The following BTN2A1 variants were observed in gnomAD, a reference collection of about 807,000 sequenced individuals.
BTN2A1 encodes butyrophilin subfamily 2 member A1.
Under a neutral mutation model 34.5 loss-of-function variants are expected in BTN2A1, and 41 were observed. That is an observed-to-expected ratio of 1.19 (90% CI 0.93 to 1.54). BTN2A1 has a LOEUF of 1.54. Among genes scored for constraint, BTN2A1 ranks in the 40% most tolerant of loss-of-function variants. The probability of loss-of-function intolerance (pLI) is 0.00; values close to 1 mark genes in which losing one functional copy is unlikely to be tolerated. For missense variants in BTN2A1, 642 were observed against 662.0 expected (o/e 0.97, Z 0.33); for synonymous variants, 267 against 258.6 (o/e 1.03, Z -0.31).
At position 26,459,749 on chromosome 6, in the gene BTN2A1, C is replaced by T; in HGVS notation, c.351C>T (p.Ala117=). The T allele has an allele frequency of 6.2e-7, 1 of 1,614,064 alleles. No individual in the cohort carries two copies. The highest frequency in any genetic ancestry group is 8.5e-7 in the Non-Finnish European group (1 of 1,179,998). ...CCCTGGTCATACACAACATCACAGC[C>T]CAGGAAAACGGCACCTACCGCTGTT... ...SVALVIHNIT[A]QENGTYRCYF... Residue 117 remains alanine (A), a synonymous_variant, in exon 3 of 8, where the codon GCC becomes GCT. Coordinates refer to ENST00000312541, the MANE Select transcript of BTN2A1 (RefSeq NM_007049.5).
downstream of BTN2A1, among the ~76,000 whole-genome samples, chr6:26,470,374 TCA>T (rs1763427113): frequency 6.7e-6 from 1 of 149,612 alleles, no homozygotes; most frequent in Admixed American, 6.6e-5. Context: ...GGAACTTATG[TCA>T]GAGACCCCCC....
chr6:26,465,234 TGTG>T lies in BTN2A1; in HGVS notation c.765_767del (p.Val256del), dbSNP rs1409344236. On this transcript the variant is annotated inframe_deletion, in exon 5 of 8. Transcript: ENST00000312541. ...CCTGTGCAGTGGCCCTGCCTATCATTGTGGTTATTCTGATGATACCCATTGCCG... is the reference window on the plus strand; with the variant it reads ...CCTGTGCAGTGGCCCTGCCTATCATTGTTATTCTGATGATACCCATTGCCG... 32 of 1,614,178 alleles carry T rather than the reference TGTG, an allele frequency of 2.0e-5. No homozygotes were observed. The highest frequency in any genetic ancestry group is 3.3e-5 in the Admixed American group (2 of 60,030).
chr6:26,461,298 T>A (rs934474956), intron 3 of BTN2A1, among the ~76,000 whole-genome samples: 5 of 152,252 alleles, frequency 3.3e-5, no homozygotes, highest in Non-Finnish European at 7.3e-5. Context: ...TTTGTTTGTT[T>A]GTTCATTGTA....
chr6:26,465,376 G>A lies in BTN2A1; in HGVS notation c.904G>A (p.Val302Met), dbSNP rs141482323. 5.6e-6 allele frequency: 9 copies of A among 1,614,020 alleles called. No individual in the cohort carries two copies. Among genetic ancestry groups the A allele is most frequent in the Non-Finnish European group, 7.6e-6 (9 of 1,179,986 alleles). ...IALKELEKER[V>M]QKEEELQVKE... Reference sequence around the variant, plus strand: ...TCTAAAGGAACTGGAGAAAGAACGTGTGCAAAAAGAGGAAGAACTTCAAGT... The same window carrying A: ...TCTAAAGGAACTGGAGAAAGAACGTATGCAAAAAGAGGAAGAACTTCAAGT... Residue 302 changes from valine (V) to methionine (M), a missense_variant, in exon 5 of 8, where the codon GTG becomes ATG. Physicochemically the swap from Val to Met is conservative, Grantham distance 21. Coordinates refer to ENST00000312541, the MANE Select transcript of BTN2A1 (RefSeq NM_007049.5).
chr6:26,460,040 C>T (rs1335233011), intron 3 of BTN2A1, among the ~76,000 whole-genome samples: 1 of 152,116 alleles, frequency 6.6e-6, no homozygotes, highest in Non-Finnish European at 1.5e-5. Context: ...GGCTTCACTT[C>T]TTGAGAAGCA....
Position 26,463,254 on chromosome 6 carries a change from TAAGCCCCTCATTTC to T in BTN2A1, c.444_457del (p.Lys148AsnfsTer5), listed in dbSNP as rs1300300730. ...GATATCTCTCCACAGGACTAGGCTCTAAGCCCCTCATTTCAATGAGGGGCCATGAAGACGGGGGC... is the reference window on the plus strand; with the variant it reads ...GATATCTCTCCACAGGACTAGGCTCTAATGAGGGGCCATGAAGACGGGGGC... On this transcript the variant is annotated frameshift_variant, in exon 4 of 8. Coordinates refer to ENST00000312541, the MANE Select transcript of BTN2A1 (RefSeq NM_007049.5). LOFTEE classifies it high-confidence loss of function. 5 of 1,604,892 alleles carry T rather than the reference TAAGCCCCTCATTTC, an allele frequency of 3.1e-6. No individual in the cohort carries two copies. The Admixed American group carries it at 8.6e-5, about 27-fold the overall frequency.
chr6:26,458,293 C>T (rs1361078270), intron 1 of BTN2A1, among the ~76,000 whole-genome samples, 151 bp downstream of exon 1: 1 of 152,078 alleles, frequency 6.6e-6, no homozygotes, highest in African/African-American at 2.4e-5. Context: ...TCAGGCTGCC[C>T]GGCCTGGGTC....
At chr6:26,469,820 C>A (rs6456725), downstream of BTN2A1, among the ~76,000 whole-genome samples, 19,874 of 152,084 alleles carry the variant, frequency 0.13, 3,470 homozygotes, top group African/African-American at 0.4. Flanking sequence ...TATGAAAATA[C>A]GATTATTAAC....
At chr6:26,463,649 G>C in intron 4 of BTN2A1, 124 bp downstream of exon 4, 1 of 1,166,120 alleles carries the variant, frequency 8.6e-7, no homozygotes, top group South Asian at 1.6e-5. Flanking sequence ...AGGACCTGGA[G>C]GCTGCAGCTG....
chr6:26,474,777 A>C (rs1763510400), intron 7 of BTN2A1, among the ~76,000 whole-genome samples: 1 of 144,924 alleles, frequency 6.9e-6, no homozygotes, highest in South Asian at 2.2e-4. Context: ...TTTTTGTCAG[A>C]GTCTCACTGT....
At chr6:26,463,962 G>A (rs750564966) in intron 4 of BTN2A1, among the ~76,000 whole-genome samples, 11 of 151,968 alleles carry the variant, frequency 7.2e-5, no homozygotes, top group Admixed American at 1.3e-4. Context: ...CACCACACCC[G>A]GCTAATTTTT....
chr6:26,464,480 G>A (rs1047953721), intron 4 of BTN2A1, among the ~76,000 whole-genome samples: 1 of 152,192 alleles, frequency 6.6e-6, no homozygotes, highest in Admixed American at 6.5e-5. Flanking sequence ...TAACAGAATG[G>A]TCAGGGAAGA....
chr6:26,465,261 C>G lies in BTN2A1; in HGVS notation c.789C>G (p.Ala263=). ...IIVVILMIPI[A]VCIYWINKLQ... is the part of the protein sequence containing the mutation. The stretch of plus-strand genomic sequence containing the variant: ...TGGTTATTCTGATGATACCCATTGC[C>G]GTATGCATCTATTGGATCAACAAAC... Residue 263 remains alanine (A), a synonymous_variant, in exon 5 of 8, where the codon GCC becomes GCG. Transcript: ENST00000312541. 6.2e-7 allele frequency: 1 copy of G among 1,613,976 alleles called. No individual in the cohort carries two copies. Among genetic ancestry groups the G allele is most frequent in the Non-Finnish European group, 8.5e-7 (1 of 1,179,960 alleles).
rs768598918 is a variant in BTN2A1, at chr6:26,468,649, G to T, written c.*100G>T. 2 of 1,613,846 alleles carry T rather than the reference G, an allele frequency of 1.2e-6. No homozygotes were observed. The highest frequency in any genetic ancestry group is 1.1e-5 in the South Asian group (1 of 90,824). On this transcript the variant is annotated 3_prime_UTR_variant, in exon 8 of 8. Coordinates refer to ENST00000312541, the MANE Select transcript of BTN2A1 (RefSeq NM_007049.5). Reference sequence around the variant, plus strand: ...GGAAGACACGCCCTCCTCCCCTCTGGTCACACAAGAGAACATCTTCCAGCT... The same window carrying T: ...GGAAGACACGCCCTCCTCCCCTCTGTTCACACAAGAGAACATCTTCCAGCT...
downstream of BTN2A1, among the ~76,000 whole-genome samples, chr6:26,472,648 G>A (rs191231840): frequency 1.8e-4 from 27 of 152,178 alleles, no homozygotes; most frequent in East Asian, 4.3e-3. Flanking sequence ...CCCCACCCAA[G>A]CCTCGCTTGG....
At chr6:26,467,587 C>T in intron 7 of BTN2A1, 3 of 938,068 alleles carry the variant, frequency 3.2e-6, no homozygotes, top group Middle Eastern at 2.4e-4. Flanking sequence ...TCTGGGATTA[C>T]AGGCGTGAGT....
chr6:26,476,382 G>A, exon 8 of BTN2A1: 1 of 739,576 alleles, frequency 1.4e-6, no homozygotes, highest in Non-Finnish European at 2.5e-6. Context: ...GAAGATGGCA[G>A]TTTTCCCAAA....
rs772084403 is a variant in BTN2A1 at position 26,467,997 on chromosome 6, A to G, written c.1032A>G (p.Ser344=). ...CCGCTCATCCCGATCTCTTCCTGTC[A>G]GAGGACCGGAGAAGTGTGAGAAGGT... ...PDTAHPDLFL[S]EDRRSVRRCP... is the part of the protein sequence containing the mutation. The change falls in exon 8 of 8, where the codon TCA becomes TCG. Residue 344 remains serine, a synonymous_variant. Transcript: ENST00000312541. The G allele has an allele frequency of 1.2e-6, 2 of 1,614,194 alleles. No homozygotes were observed. The highest frequency in any genetic ancestry group is 1.7e-6 in the Non-Finnish European group (2 of 1,180,016).
At chr6:26,475,441 C>A (rs2113873365) in intron 7 of BTN2A1, among the ~76,000 whole-genome samples, 1 of 152,314 alleles carries the variant, frequency 6.6e-6, no homozygotes, top group South Asian at 2.1e-4. Flanking sequence ...CTTTTTAGTG[C>A]ATGGGTCCCC....
Sources: gnomAD v4.1 joint callset for allele counts (sites outside exome capture counted in the v4.1 genomes callset) on GRCh38, gnomAD v4.1.1 for gene constraint, MANE v1.5 for transcripts, NCBI Gene and HGNC (gene_info 2026-07-23, HGNC 2026-07-21) for gene names.